CASD1: variants seen among roughly 807,000 people sequenced by gnomAD.
CASD1 encodes CAS1 domain sialic acid O acetyltransferase 1.
In CASD1, 41 loss-of-function variants were observed where a neutral mutation model predicts 100.0. The ratio of observed to expected loss-of-function variants is 0.41; its 90% CI spans 0.32 to 0.53. The LOEUF is 0.53. Ranked by LOEUF, CASD1 falls within the 20% of genes least tolerant of loss-of-function variation. The probability of loss-of-function intolerance (pLI) is 0.25; values close to 1 mark genes in which losing one functional copy is unlikely to be tolerated. For synonymous variants in CASD1, 321 were observed against 315.6 expected (o/e 1.02, Z -0.18); for missense variants, 774 against 948.7 (o/e 0.82, Z 2.42).
the CASD1 span, among the ~76,000 whole-genome samples, chr7:94,564,913 C>T: frequency 6.6e-6 from 1 of 152,066 alleles, no homozygotes; most frequent in Non-Finnish European, 1.5e-5. Flanking sequence ...AATTGGCTAA[C>T]TCTTTAGGTA....
chr7:94,510,532 G>A (rs1387209770), intron 1 of CASD1, among the ~76,000 whole-genome samples: 1 of 152,166 alleles, frequency 6.6e-6, no homozygotes, highest in Non-Finnish European at 1.5e-5. Flanking sequence ...GTCTGGGTTC[G>A]GGGAGACGCT....
chr7:94,608,272 G>T, the CASD1 span, among the ~76,000 whole-genome samples: 1 of 152,146 alleles, frequency 6.6e-6, no homozygotes, highest in Non-Finnish European at 1.5e-5. Flanking sequence ...GGAGGCAGAG[G>T]TTGCAGTGAG....
chr7:94,565,098 C>T, the CASD1 span, among the ~76,000 whole-genome samples: 18 of 152,012 alleles, frequency 1.2e-4, no homozygotes, highest in African/African-American at 4.1e-4. Flanking sequence ...ACACCATATT[C>T]TATTATCTAT....
At chr7:94,607,464 C>T in the CASD1 span, among the ~76,000 whole-genome samples, 1 of 152,166 alleles carries the variant, frequency 6.6e-6, no homozygotes. Flanking sequence ...CAATGATCAA[C>T]TGGGACTTTC....
At chr7:94,628,365 T>G in the CASD1 span, 2 of 1,602,092 alleles carry the variant, frequency 1.2e-6, no homozygotes, top group South Asian at 2.2e-5. Flanking sequence ...CTCGCCTAGA[T>G]AAGAAACAGA....
chr7:94,617,176 A>G, the CASD1 span: 1 of 152,194 alleles, frequency 6.6e-6, no homozygotes, highest in African/African-American at 2.4e-5. Flanking sequence ...CCAGGAACCT[A>G]TCTATATTTT....
chr7:94,515,518 A>G (rs1364513268), intron 1 of CASD1, among the ~76,000 whole-genome samples: 1 of 152,102 alleles, frequency 6.6e-6, no homozygotes, highest in Non-Finnish European at 1.5e-5. Flanking sequence ...ACTGGAGGCA[A>G]AAAAAGTTAT....
the CASD1 span, among the ~76,000 whole-genome samples, chr7:94,563,253 C>T: frequency 6.6e-6 from 1 of 152,132 alleles, no homozygotes; most frequent in Non-Finnish European, 1.5e-5. Context: ...ACCCCCTTTT[C>T]CAAATATCCT....
intron 3 of CASD1, among the ~76,000 whole-genome samples, chr7:94,521,084 C>CTA (rs1460581531): frequency 6.6e-6 from 1 of 151,880 alleles, no homozygotes; most frequent in African/African-American, 2.4e-5. Context: ...GAGTGAGACT[C>CTA]TGTCTCAAAA....
the CASD1 span, among the ~76,000 whole-genome samples, chr7:94,590,279 TAAAA>T: frequency 3.3e-5 from 5 of 152,094 alleles, no homozygotes; most frequent in Non-Finnish European, 7.4e-5. Flanking sequence ...TATTTTTAAT[TAAAA>T]AAATCTCAAG....
In CASD1 at chr7:94,555,861, A is replaced by G. The variant is rs1791751862; in HGVS notation, c.*103A>G. On this transcript the variant is annotated 3_prime_UTR_variant, in exon 18 of 18. Coordinates refer to ENST00000297273, the MANE Select transcript of CASD1 (RefSeq NM_022900.5). ...GATATAAATGTGTATGTAAATATAAACGTTTGTGGCAAGAGGACAGTTCTG... is the reference window on the plus strand; with the variant it reads ...GATATAAATGTGTATGTAAATATAAGCGTTTGTGGCAAGAGGACAGTTCTG... The G allele has an allele frequency of 8.2e-7, 1 of 1,226,086 alleles. No homozygotes were observed. The highest frequency in any genetic ancestry group is 1.5e-5 in the South Asian group (1 of 66,654). 76.0% of individuals were successfully genotyped at this position (1,226,086 alleles called of 1,614,324 possible). A position where few individuals can be genotyped will look rare whatever the true frequency, so the allele number is the denominator to read the frequency against.
At chr7:94,512,751 A>G (rs994498912) in intron 1 of CASD1, among the ~76,000 whole-genome samples, 17 of 152,240 alleles carry the variant, frequency 1.1e-4, no homozygotes, top group Admixed American at 3.9e-4. Flanking sequence ...ATTGCATGTC[A>G]AAGTTTAATT....
At chr7:94,537,104 C>T (rs1420431516) in intron 8 of CASD1, among the ~76,000 whole-genome samples, 6 of 150,602 alleles carry the variant, frequency 4.0e-5, no homozygotes, top group Non-Finnish European at 7.4e-5. Context: ...CATTTTTTAA[C>T]TAAAGGTCAC....
At chr7:94,565,871 AGG>A in the CASD1 span, among the ~76,000 whole-genome samples, 1 of 152,228 alleles carries the variant, frequency 6.6e-6, no homozygotes, top group Non-Finnish European at 1.5e-5. Context: ...TGAAGGATAA[AGG>A]GGAAAGGTAC....
chr7:94,593,665 A>G, the CASD1 span, among the ~76,000 whole-genome samples: 1 of 151,932 alleles, frequency 6.6e-6, no homozygotes, highest in Non-Finnish European at 1.5e-5. Flanking sequence ...CATTTTCCTC[A>G]GGCAGTTTAA....
At chr7:94,599,738 A>G in the CASD1 span, 9 of 1,538,046 alleles carry the variant, frequency 5.9e-6, no homozygotes, top group East Asian at 2.0e-4. Flanking sequence ...AAACAAAACA[A>G]AATTTATGAA....
chr7:94,585,611 C>T, the CASD1 span: 1 of 823,608 alleles, frequency 1.2e-6, no homozygotes, highest in East Asian at 2.4e-5. Flanking sequence ...AGAAAGTTTC[C>T]ATCTTCTTAA....
chr7:94,552,455 A>G, intron 16 of CASD1, 28 bp downstream of exon 16: 1 of 1,516,386 alleles, frequency 6.6e-7, no homozygotes, highest in Middle Eastern at 1.7e-4. Context: ...AGAAATTTCT[A>G]CATCTTAATT....
the CASD1 span, chr7:94,627,630 T>A: frequency 3.9e-5 from 6 of 152,502 alleles, no homozygotes; most frequent in African/African-American, 1.2e-4. Flanking sequence ...TTCCTTCTAC[T>A]TTGTCAAGTA....
Sources: gnomAD v4.1 joint callset for allele counts (sites outside exome capture counted in the v4.1 genomes callset) on GRCh38, gnomAD v4.1.1 for gene constraint, MANE v1.5 for transcripts, NCBI Gene and HGNC (gene_info 2026-07-23, HGNC 2026-07-21) for gene names.